The following IL1RAPL1 variants were observed in gnomAD, a reference collection of about 807,000 sequenced individuals.
IL1RAPL1 encodes the protein interleukin 1 receptor accessory protein like 1.
Under a neutral mutation model 48.4 loss-of-function variants are expected in IL1RAPL1, and 3 were observed. That is an observed-to-expected ratio of 0.06 (90% CI 0.03 to 0.16). The LOEUF (loss-of-function observed/expected upper bound fraction) is 0.16. IL1RAPL1 is among the 10% of genes least tolerant of loss of function. The probability of loss-of-function intolerance (pLI) is 1.00; values close to 1 mark genes in which losing one functional copy is unlikely to be tolerated. For synonymous variants in IL1RAPL1, 185 were observed against 187.7 expected (o/e 0.99, Z 0.12); for missense variants, 349 against 530.6 (o/e 0.66, Z 3.36).
chrX:29,463,995 A>G (rs1934833891), intron 5 of IL1RAPL1, among the ~76,000 whole-genome samples: 1 of 111,549 alleles, frequency 9.0e-6, no homozygotes, highest in Non-Finnish European at 1.9e-5. Flanking sequence ...TGTAACTACA[A>G]ACCTACCTGA....
chrX:29,580,522 T>C (rs1205660775), intron 5 of IL1RAPL1, among the ~76,000 whole-genome samples: 1 of 111,920 alleles, frequency 8.9e-6, no homozygotes, highest in East Asian at 2.8e-4. Context: ...TATTGCTGCA[T>C]AATAAACTAT....
At chrX:29,638,231 T>A in intron 5 of IL1RAPL1, among the ~76,000 whole-genome samples, 1 of 110,544 alleles carries the variant, frequency 9.0e-6, no homozygotes, top group South Asian at 3.9e-4. Context: ...CATTTGTCAC[T>A]CTAGTAATGT....
chrX:29,775,591 C>T (rs995781130), intron 6 of IL1RAPL1, among the ~76,000 whole-genome samples: 1 of 111,091 alleles, frequency 9.0e-6, no homozygotes, highest in Non-Finnish European at 1.9e-5. Flanking sequence ...ACCAAAGAAG[C>T]ACATATCATA....
chrX:28,698,929 G>A (rs1935264866), intron 1 of IL1RAPL1, among the ~76,000 whole-genome samples: 1 of 111,945 alleles, frequency 8.9e-6, no homozygotes, highest in South Asian at 3.6e-4. Flanking sequence ...TACAGTTCAT[G>A]GGAATGTCAG....
chrX:28,868,523 C>G (rs1391156603), intron 2 of IL1RAPL1, among the ~76,000 whole-genome samples: 4 of 110,872 alleles, frequency 3.6e-5, no homozygotes, highest in African/African-American at 1.3e-4. Flanking sequence ...ATAACCATTT[C>G]TCAAGCCTTC....
chrX:29,081,020 C>CTCTCTCTTTCTTTTCT (rs1555960745), intron 2 of IL1RAPL1, among the ~76,000 whole-genome samples: 43 of 41,891 alleles, frequency 1.0e-3, no homozygotes, highest in African/African-American at 1.7e-3. Flanking sequence ...CTCTCTCTCT[C>CTCTCTCTTTCTTTTCT]TTTCTTTTCT....
intron 2 of IL1RAPL1, among the ~76,000 whole-genome samples, chrX:28,913,189 A>G (rs1259706476): frequency 9.0e-6 from 1 of 111,701 alleles, no homozygotes; most frequent in Non-Finnish European, 1.9e-5. Flanking sequence ...GTAGAAGTTT[A>G]TTAAAAATAA....
At chrX:29,104,975 G>T (rs1211640845) in intron 2 of IL1RAPL1, among the ~76,000 whole-genome samples, 1 of 111,466 alleles carries the variant, frequency 9.0e-6, no homozygotes, top group African/African-American at 3.3e-5. Flanking sequence ...CAAAAACCTG[G>T]GAATGATGGG....
chrX:28,919,986 T>A (rs1307879372), intron 2 of IL1RAPL1, among the ~76,000 whole-genome samples: 1 of 112,137 alleles, frequency 8.9e-6, no homozygotes, highest in Non-Finnish European at 1.9e-5. Flanking sequence ...GCAATAAATT[T>A]CATTATCTAG....
chrX:28,897,952 T>A (rs1922973906), intron 2 of IL1RAPL1, among the ~76,000 whole-genome samples: 1 of 110,932 alleles, frequency 9.0e-6, no homozygotes, highest in Non-Finnish European at 1.9e-5. Flanking sequence ...TGAGCCAGGA[T>A]GAGCCAGGAG....
intron 2 of IL1RAPL1, among the ~76,000 whole-genome samples, chrX:29,064,920 T>C (rs1414111285): frequency 2.7e-5 from 3 of 111,997 alleles, no homozygotes; most frequent in Non-Finnish European, 5.6e-5. Flanking sequence ...TGTAGTAATA[T>C]TTTTACTTAC....
At chrX:29,688,406 C>T (rs761007498) in intron 6 of IL1RAPL1, among the ~76,000 whole-genome samples, 2 of 111,759 alleles carry the variant, frequency 1.8e-5, no homozygotes, top group African/African-American at 3.3e-5. Context: ...TCAGCTCTTC[C>T]TCTGCCTTTT....
At chrX:29,033,623 C>T (rs960411825) in intron 2 of IL1RAPL1, among the ~76,000 whole-genome samples, 6 of 111,056 alleles carry the variant, frequency 5.4e-5, no homozygotes, top group Non-Finnish European at 7.5e-5. Flanking sequence ...CAGTGACATC[C>T]GCTGTTCCAT....
chrX:29,105,032 C>A (rs1251413376), intron 2 of IL1RAPL1, among the ~76,000 whole-genome samples: 2 of 111,550 alleles, frequency 1.8e-5, no homozygotes, highest in Non-Finnish European at 3.8e-5. Flanking sequence ...TCCTGGTTTT[C>A]CTATGAAAAG....
chrX:29,242,548 CATTCAACATGTAGTG>C (rs1931440551), intron 2 of IL1RAPL1, among the ~76,000 whole-genome samples: 1 of 112,302 alleles, frequency 8.9e-6, no homozygotes, highest in South Asian at 3.7e-4. Flanking sequence ...GAGGCTCATT[CATTCAACATGTAGTG>C]ATTAAGCATC....
At chrX:28,946,323 T>C (rs1924302558) in intron 2 of IL1RAPL1, among the ~76,000 whole-genome samples, 1 of 92,659 alleles carries the variant, frequency 1.1e-5, no homozygotes, top group Admixed American at 1.1e-4. Flanking sequence ...GTGTGGTAGT[T>C]TGTAGGGGAA....
intron 2 of IL1RAPL1, among the ~76,000 whole-genome samples, chrX:29,213,634 A>G (rs188739579): frequency 1.2e-3 from 131 of 112,863 alleles, no homozygotes; most frequent in African/African-American, 3.9e-3. Flanking sequence ...CTTGAGCCAC[A>G]GATGCTTCCC....
chrX:28,799,510 G>A (rs966732109), intron 2 of IL1RAPL1, among the ~76,000 whole-genome samples: 4 of 112,267 alleles, frequency 3.6e-5, no homozygotes, highest in Non-Finnish European at 5.6e-5. Flanking sequence ...GTATGATGGT[G>A]TTACACACAT....
intron 6 of IL1RAPL1, among the ~76,000 whole-genome samples, chrX:29,733,625 T>A (rs1191429532): frequency 8.9e-6 from 1 of 112,290 alleles, no homozygotes; most frequent in Admixed American, 9.4e-5. Context: ...ATTAAAAATC[T>A]CTCCATGAAA....
Sources: gnomAD v4.1 joint callset for allele counts (sites outside exome capture counted in the v4.1 genomes callset) on GRCh38, gnomAD v4.1.1 for gene constraint, MANE v1.5 for transcripts, NCBI Gene and HGNC (gene_info 2026-07-23, HGNC 2026-07-21) for gene names.